Variants in ROBO1 observed in about 807,000 individuals in gnomAD.
ROBO1 encodes the protein roundabout guidance receptor 1, also known as roundabout homolog 1.
A neutral mutation model predicts 195.9 loss-of-function variants in ROBO1; 149 were observed. The observed-to-expected ratio is 0.76, with a 90% confidence interval of 0.67 to 0.87. ROBO1 has a LOEUF of 0.87. Among genes scored for constraint, ROBO1 ranks in the 40% least tolerant of loss-of-function variants. The pLI, the probability that ROBO1 is intolerant of heterozygous loss-of-function variation, is 0.00. For missense variants in ROBO1, 1,933 were observed against 2,068.3 expected, an observed-to-expected ratio of 0.93 and a Z score of 1.27; for synonymous variants, 816 against 733.2, an observed-to-expected ratio of 1.11 and a Z score of -1.82.
chr3:79,473,107 TAA>T (rs540491458), intron 2 of ROBO1, among the ~76,000 whole-genome samples: 63 of 152,286 alleles, frequency 4.1e-4, no homozygotes, highest in African/African-American at 1.4e-3. Context: ...TATTTGAAAG[TAA>T]AGTCTTTGCA....
At chr3:79,299,139 G>C (rs1273470863) in intron 2 of ROBO1, among the ~76,000 whole-genome samples, 1 of 152,090 alleles carries the variant, frequency 6.6e-6, no homozygotes, top group Admixed American at 6.6e-5. Flanking sequence ...AGGTAACATA[G>C]TTGTATTCTT....
chr3:78,742,594 G>C (rs1453442408), intron 5 of ROBO1, among the ~76,000 whole-genome samples: 1 of 152,090 alleles, frequency 6.6e-6, no homozygotes, highest in African/African-American at 2.4e-5. Flanking sequence ...TTTACCTCCA[G>C]TGTTTTATCA....
chr3:79,295,988 A>T (rs559956724), intron 2 of ROBO1, among the ~76,000 whole-genome samples: 9 of 152,312 alleles, frequency 5.9e-5, no homozygotes, highest in Admixed American at 3.9e-4. Flanking sequence ...TTTTGGTTAC[A>T]TATAAATATA....
At chr3:79,041,592 G>A (rs1322645144) in intron 3 of ROBO1, among the ~76,000 whole-genome samples, 1 of 152,100 alleles carries the variant, frequency 6.6e-6, no homozygotes, top group Non-Finnish European at 1.5e-5. Flanking sequence ...GACAGAGAGT[G>A]GAAGATATAA....
intron 1 of ROBO1, among the ~76,000 whole-genome samples, chr3:79,623,583 A>C (rs892122802): frequency 6.6e-6 from 1 of 152,348 alleles, no homozygotes; most frequent in Middle Eastern, 3.4e-3. Context: ...ACCAACTGGA[A>C]GAAAGGATAT....
intron 3 of ROBO1, among the ~76,000 whole-genome samples, chr3:79,086,848 T>C (rs1048413302): frequency 6.6e-6 from 1 of 152,180 alleles, no homozygotes; most frequent in African/African-American, 2.4e-5. Context: ...TATGTAATTA[T>C]GGATATTTAT....
At chr3:79,120,687 T>C (rs367905389) in intron 3 of ROBO1, among the ~76,000 whole-genome samples, 3 of 151,930 alleles carry the variant, frequency 2.0e-5, no homozygotes, top group South Asian at 2.1e-4. Flanking sequence ...AAATCACAGA[T>C]TGATGGAATA....
intron 2 of ROBO1, among the ~76,000 whole-genome samples, chr3:79,500,687 G>T (rs1046910125): frequency 2.0e-5 from 3 of 152,190 alleles, no homozygotes; most frequent in African/African-American, 7.2e-5. Flanking sequence ...AGGACAGAAA[G>T]GAATGATATT....
At chr3:78,688,189 A>G (rs779165637) in intron 9 of ROBO1, among the ~76,000 whole-genome samples, 9 of 152,166 alleles carry the variant, frequency 5.9e-5, no homozygotes, top group Non-Finnish European at 7.4e-5. Flanking sequence ...ATTTAACACA[A>G]CATCTCTGTT....
chr3:79,114,241 T>C (rs963013520), intron 3 of ROBO1, among the ~76,000 whole-genome samples: 1 of 152,210 alleles, frequency 6.6e-6, no homozygotes, highest in African/African-American at 2.4e-5. Flanking sequence ...AACAGACTAT[T>C]ACAATAACCC....
chr3:79,124,510 C>T (rs1482990276), intron 3 of ROBO1, among the ~76,000 whole-genome samples: 1 of 151,894 alleles, frequency 6.6e-6, no homozygotes, highest in Non-Finnish European at 1.5e-5. Flanking sequence ...CTTTTAACAC[C>T]ATCATCTATA....
intron 2 of ROBO1, among the ~76,000 whole-genome samples, chr3:79,439,573 C>T (rs1461434189): frequency 6.6e-6 from 1 of 151,848 alleles, no homozygotes; most frequent in Non-Finnish European, 1.5e-5. Flanking sequence ...AAGGGATTTC[C>T]ATTACCAACT....
chr3:79,433,309 T>C (rs1243980506), intron 2 of ROBO1, among the ~76,000 whole-genome samples: 1 of 152,222 alleles, frequency 6.6e-6, no homozygotes, highest in Non-Finnish European at 1.5e-5. Context: ...GTTAGTTTGC[T>C]GAGAATAATG....
chr3:79,588,560 C>T (rs1428945091), intron 2 of ROBO1, among the ~76,000 whole-genome samples: 1 of 151,646 alleles, frequency 6.6e-6, no homozygotes, highest in African/African-American at 2.4e-5. Context: ...TAAGTATCCT[C>T]TTTATTCTGA....
chr3:78,879,593 C>T lies in ROBO1; in HGVS notation c.499+59008G>A, dbSNP rs902945185. 1.1e-4 allele frequency among the ~76,000 whole-genome samples: 16 copies of T among 151,614 alleles called. No individual in the cohort carries two copies. In the South Asian group the frequency reaches 1.2e-3, roughly 12 times the overall value. On this transcript the variant is annotated intron_variant, in intron 4 of 30. Transcript: ENST00000464233. ...CTAATTAGGGGATTAGAACCGCAGACGCTTTGCTGGCTCACATGTTCAAGC... is the reference window on the plus strand; with the variant it reads ...CTAATTAGGGGATTAGAACCGCAGATGCTTTGCTGGCTCACATGTTCAAGC...
At chr3:79,602,361 G>C (rs907711327) in intron 1 of ROBO1, among the ~76,000 whole-genome samples, 2 of 151,962 alleles carry the variant, frequency 1.3e-5, no homozygotes, top group Non-Finnish European at 2.9e-5. Context: ...AATTTTTTCT[G>C]ACTGTCAATT....
At chr3:79,404,055 G>A (rs2037458412) in intron 2 of ROBO1, among the ~76,000 whole-genome samples, 1 of 151,968 alleles carries the variant, frequency 6.6e-6, no homozygotes, top group African/African-American at 2.4e-5. Flanking sequence ...TGCTTCTGTA[G>A]AGTTTTAACC....
intron 2 of ROBO1, among the ~76,000 whole-genome samples, chr3:79,497,973 G>A (rs1306079433): frequency 1.3e-5 from 2 of 151,262 alleles, no homozygotes; most frequent in Non-Finnish European, 2.9e-5. Flanking sequence ...AATAGCTCAG[G>A]AATATAATTT....
chr3:79,486,267 T>A (rs1352491780), intron 2 of ROBO1, among the ~76,000 whole-genome samples: 3 of 152,130 alleles, frequency 2.0e-5, no homozygotes, highest in African/African-American at 7.2e-5. Flanking sequence ...TCCTCTTATA[T>A]AAAAACAATT....
Sources: allele counts gnomAD v4.1 joint callset (sites outside exome capture counted in the v4.1 genomes callset), GRCh38; gene constraint gnomAD v4.1.1; transcripts MANE v1.5; gene names NCBI Gene and HGNC (gene_info 2026-07-23, HGNC 2026-07-21).